The following NPAS3 variants were observed in gnomAD, a reference collection of about 807,000 sequenced individuals.
NPAS3 encodes the protein neuronal PAS domain-containing protein 3.
Under a neutral mutation model 73.1 loss-of-function variants are expected in NPAS3, and 14 were observed. That is an observed-to-expected ratio of 0.19 (90% CI 0.13 to 0.30). The LOEUF (loss-of-function observed/expected upper bound fraction) is 0.30. Among genes scored for constraint, NPAS3 ranks in the 10% least tolerant of loss-of-function variants. The pLI is 1.00. For missense variants in NPAS3, 1,096 were observed against 1,250.0 expected (o/e 0.88, Z 1.86); for synonymous variants, 620 against 541.5 (o/e 1.14, Z -2.01).
chr14:33,323,352 T>C (rs977285427), intron 3 of NPAS3, among the ~76,000 whole-genome samples: 1 of 152,250 alleles, frequency 6.6e-6, no homozygotes, highest in Non-Finnish European at 1.5e-5. Flanking sequence ...GATGTCTTCT[T>C]AATATTCTCT....
intron 4 of NPAS3, among the ~76,000 whole-genome samples, chr14:33,517,292 A>G (rs2053347592): frequency 6.6e-6 from 1 of 152,056 alleles, no homozygotes; most frequent in Non-Finnish European, 1.5e-5. Flanking sequence ...GCTCAGTTCA[A>G]TTGCTCAGAC....
intron 4 of NPAS3, among the ~76,000 whole-genome samples, chr14:33,539,512 A>AG (rs2054410819): frequency 6.6e-6 from 1 of 152,110 alleles, no homozygotes; most frequent in South Asian, 2.1e-4. Flanking sequence ...TTAATTTCGC[A>AG]GGGTGCCTTG....
intron 4 of NPAS3, among the ~76,000 whole-genome samples, chr14:33,444,384 C>T (rs936671885): frequency 1.3e-5 from 2 of 152,118 alleles, no homozygotes; most frequent in African/African-American, 4.8e-5. Flanking sequence ...GGTTGTTAAG[C>T]CTGGGGAAAA....
At chr14:32,949,669 G>A (rs184034809) in intron 1 of NPAS3, among the ~76,000 whole-genome samples, 2 of 151,846 alleles carry the variant, frequency 1.3e-5, no homozygotes, top group African/African-American at 2.4e-5. Context: ...GGCAGGTTAG[G>A]GCAGTATCAT....
At position 33,294,999 on chromosome 14, in the gene NPAS3, G is replaced by A. The variant is rs182178942; in HGVS notation, c.386-72187G>A. The stretch of plus-strand genomic sequence containing the variant: ...AGTGAAATTTGAACTCTTGGAGAGT[G>A]ACTTTTTAGGACCCTAGGAGGGAAA... On this transcript the variant is annotated intron_variant, in intron 3 of 11. Coordinates refer to ENST00000356141, the Ensembl canonical transcript of NPAS3. Among the ~76,000 whole-genome samples, 24 of 152,284 alleles carry A rather than the reference G, an allele frequency of 1.6e-4. 1 individual carries two copies. The South Asian group carries it at 2.7e-3, about 17-fold the overall frequency.
intron 3 of NPAS3, among the ~76,000 whole-genome samples, chr14:33,273,927 AG>A (rs1480459638): frequency 1.3e-5 from 2 of 152,164 alleles, no homozygotes; most frequent in Non-Finnish European, 2.9e-5. Flanking sequence ...TCTAAATTCT[AG>A]ACCCCAATTT....
At chr14:33,051,744 G>C (rs1469577903) in intron 1 of NPAS3, among the ~76,000 whole-genome samples, 3 of 152,092 alleles carry the variant, frequency 2.0e-5, no homozygotes, top group Non-Finnish European at 4.4e-5. Context: ...ACCAATTTAG[G>C]GGTACAAATA....
intron 7 of NPAS3, among the ~76,000 whole-genome samples, chr14:33,753,664 T>C (rs1482452740): frequency 6.6e-6 from 1 of 152,164 alleles, no homozygotes; most frequent in Non-Finnish European, 1.5e-5. Flanking sequence ...AGAAAATATA[T>C]ACCCAGAAAA....
intron 5 of NPAS3, among the ~76,000 whole-genome samples, chr14:33,599,078 A>G (rs2057327599): frequency 6.6e-6 from 1 of 152,124 alleles, no homozygotes; most frequent in African/African-American, 2.4e-5. Flanking sequence ...TTTTTTTATC[A>G]GGCACTAGAA....
Position 33,436,828 on chromosome 14 carries a change from C to G in NPAS3, c.468+69560C>G, listed in dbSNP as rs1411069281. On this transcript the variant is annotated intron_variant, in intron 4 of 11. Coordinates refer to ENST00000356141, the Ensembl canonical transcript of NPAS3. ...TGGAAACTGTTCAACTAACTTGCAA[C>G]TAGTTAGAAATCTGAGAAACCAAGG... 5.9e-5 allele frequency among the ~76,000 whole-genome samples: 9 copies of G among 152,296 alleles called. No individual in the cohort carries two copies. In the South Asian group the frequency reaches 1.9e-3, roughly 32 times the overall value.
At chr14:33,004,237 C>T (rs2038909409) in intron 1 of NPAS3, among the ~76,000 whole-genome samples, 1 of 152,124 alleles carries the variant, frequency 6.6e-6, no homozygotes, top group Non-Finnish European at 1.5e-5. Context: ...TCATTAGGCT[C>T]CTTTGTCATT....
intron 5 of NPAS3, among the ~76,000 whole-genome samples, chr14:33,586,947 A>G (rs2056883276): frequency 6.6e-6 from 1 of 152,192 alleles, no homozygotes; most frequent in Admixed American, 6.5e-5. Context: ...GTAAAAGACA[A>G]GAGGAGTCTG....
chr14:33,351,885 C>T (rs921540750), intron 3 of NPAS3, among the ~76,000 whole-genome samples: 4 of 151,960 alleles, frequency 2.6e-5, no homozygotes, highest in Admixed American at 1.3e-4. Flanking sequence ...CAATACACAC[C>T]GGGGCCTGTT....
intron 2 of NPAS3, among the ~76,000 whole-genome samples, chr14:33,199,717 C>T (rs1047413386): frequency 7.2e-6 from 1 of 139,300 alleles, no homozygotes; most frequent in Admixed American, 7.3e-5. Context: ...CCTCCCCCTT[C>T]TTCTTCCCCT....
intron 6 of NPAS3, among the ~76,000 whole-genome samples, chr14:33,683,159 T>C (rs973894457): frequency 3.9e-5 from 6 of 152,150 alleles, no homozygotes; most frequent in African/African-American, 1.4e-4. Context: ...TAGCAAATGT[T>C]TTGTTGAATA....
chr14:33,466,892 C>T (rs539979286), intron 4 of NPAS3, among the ~76,000 whole-genome samples: 2 of 152,278 alleles, frequency 1.3e-5, no homozygotes, highest in South Asian at 4.2e-4. Context: ...CTGGGGATTA[C>T]AATCAGACAT....
At chr14:33,027,405 TTC>T (rs928672444) in intron 1 of NPAS3, among the ~76,000 whole-genome samples, 2 of 152,140 alleles carry the variant, frequency 1.3e-5, no homozygotes, top group African/African-American at 4.8e-5. Context: ...AAAGCTTTTA[TTC>T]TCTCTCTCAA....
At chr14:33,310,998 G>A (rs1488611104) in intron 3 of NPAS3, among the ~76,000 whole-genome samples, 2 of 152,140 alleles carry the variant, frequency 1.3e-5, no homozygotes, top group South Asian at 2.1e-4. Flanking sequence ...GACTAGGCAG[G>A]TTAGGTTTGT....
At chr14:33,784,737 ATTTATTTATTT>A (rs2063097203) in intron 9 of NPAS3, among the ~76,000 whole-genome samples, 2 of 80,160 alleles carry the variant, frequency 2.5e-5, no homozygotes, top group African/African-American at 6.6e-5. Context: ...TTATTTATTT[ATTTATTTATTT>A]TTTTTTTTTT....
Sources: allele counts gnomAD v4.1 joint callset (sites outside exome capture counted in the v4.1 genomes callset), GRCh38; gene constraint gnomAD v4.1.1; transcripts MANE v1.5; gene names NCBI Gene and HGNC (gene_info 2026-07-23, HGNC 2026-07-21).